The following ZNF423 variants were observed in gnomAD, a reference collection of about 807,000 sequenced individuals.
The protein encoded by ZNF423 is zinc finger protein 423, also known as Ebf-associated zinc finger protein.
A neutral mutation model predicts 95.8 loss-of-function variants in ZNF423; 12 were observed. The observed-to-expected ratio is 0.13, with a 90% CI of 0.08 to 0.20. The LOEUF (loss-of-function observed/expected upper bound fraction) is 0.20, where lower values mean the gene tolerates loss of function less well. ZNF423 is among the 10% of genes least tolerant of loss of function. The probability of loss-of-function intolerance (pLI) is 1.00; values close to 1 mark genes in which losing one functional copy is unlikely to be tolerated. For missense variants in ZNF423, 1,316 were observed against 1,737.1 expected (o/e 0.76, Z 4.31); for synonymous variants, 749 against 711.9 (o/e 1.05, Z -0.83).
At chr16:49,853,615 T>TA (rs2035325661) in intron 1 of ZNF423, 1 of 985,100 alleles carries the variant, frequency 1.0e-6, no homozygotes, top group African/African-American at 1.7e-5. Flanking sequence ...GCCTTTCTCC[T>TA]ACCAACCTGC....
At chr16:49,677,321 G>GAGAAGAGAAGAGAAA (rs2031139077) in intron 3 of ZNF423, among the ~76,000 whole-genome samples, 1 of 48,396 alleles carries the variant, frequency 2.1e-5, no homozygotes, top group African/African-American at 8.9e-5. Context: ...AGGAGGGGAA[G>GAGAAGAGAAGAGAAA]GGAGGGGAGG....
At chr16:49,709,471 T>C (rs2032475461) in intron 3 of ZNF423, among the ~76,000 whole-genome samples, 1 of 152,000 alleles carries the variant, frequency 6.6e-6, no homozygotes, top group Non-Finnish European at 1.5e-5. Context: ...TGCCAGCCAC[T>C]CCAGGTATGG....
chr16:49,691,267 T>C (rs2031769691), intron 3 of ZNF423, among the ~76,000 whole-genome samples: 1 of 152,260 alleles, frequency 6.6e-6, no homozygotes, highest in African/African-American at 2.4e-5. Context: ...GGGAGGATGC[T>C]GGGGTCTGTG....
intron 4 of ZNF423, among the ~76,000 whole-genome samples, chr16:49,634,200 C>T (rs1053459582): frequency 7.2e-6 from 1 of 137,940 alleles, no homozygotes; most frequent in African/African-American, 2.8e-5. Context: ...GCCACCACAC[C>T]TGGCTTTTTT....
chr16:49,521,688 AAGGCC>A (rs1303777537), intron 7 of ZNF423, among the ~76,000 whole-genome samples: 3 of 152,208 alleles, frequency 2.0e-5, no homozygotes, highest in Non-Finnish European at 4.4e-5. Context: ...CAATGGGATA[AAGGCC>A]TCATGTACAA....
At chr16:49,667,403 G>A (rs2030595933) in intron 3 of ZNF423, among the ~76,000 whole-genome samples, 1 of 152,216 alleles carries the variant, frequency 6.6e-6, no homozygotes. Context: ...GAGTGAGGAA[G>A]GGGAGAATTT....
chr16:49,550,221 C>T (rs1316100215), intron 5 of ZNF423, among the ~76,000 whole-genome samples: 1 of 152,228 alleles, frequency 6.6e-6, no homozygotes, highest in Non-Finnish European at 1.5e-5. Flanking sequence ...GATGACCTAG[C>T]TGCACATTAA....
intron 7 of ZNF423, among the ~76,000 whole-genome samples, chr16:49,507,009 G>A (rs12930208): frequency 0.42 from 62,923 of 151,498 alleles, 13,542 homozygotes; most frequent in African/African-American, 0.54. Flanking sequence ...GACGGTAAAC[G>A]TTGATGAGTT....
intron 5 of ZNF423, among the ~76,000 whole-genome samples, chr16:49,580,018 C>T (rs1443435105): frequency 1.3e-5 from 2 of 152,228 alleles, no homozygotes; most frequent in African/African-American, 4.8e-5. Flanking sequence ...TGGCCACCCA[C>T]GGGACCCTGA....
At chr16:49,588,429 C>T (rs1970910050) in intron 5 of ZNF423, among the ~76,000 whole-genome samples, 1 of 152,194 alleles carries the variant, frequency 6.6e-6, no homozygotes, top group African/African-American at 2.4e-5. Flanking sequence ...CCCATGAGGC[C>T]CACAAGTGAA....
At chr16:49,530,387 C>T (rs1282637181) in intron 5 of ZNF423, among the ~76,000 whole-genome samples, 1 of 151,870 alleles carries the variant, frequency 6.6e-6, no homozygotes, top group Non-Finnish European at 1.5e-5. Context: ...CTGGATAGCG[C>T]TTACTACCAC....
At chr16:49,575,422 C>T (rs937431538) in intron 5 of ZNF423, among the ~76,000 whole-genome samples, 2 of 152,102 alleles carry the variant, frequency 1.3e-5, no homozygotes, top group South Asian at 2.1e-4. Context: ...TCCTACTTGC[C>T]GCAGCCCCTT....
chr16:49,718,031 C>T (rs1204057211), intron 3 of ZNF423, among the ~76,000 whole-genome samples: 1 of 152,170 alleles, frequency 6.6e-6, no homozygotes, highest in Non-Finnish European at 1.5e-5. Flanking sequence ...GCCCAGTAAG[C>T]TACACAAGGG....
intron 2 of ZNF423, among the ~76,000 whole-genome samples, chr16:49,756,727 G>C (rs527865315): frequency 6.6e-6 from 1 of 152,260 alleles, no homozygotes; most frequent in African/African-American, 2.4e-5. Context: ...CACCTCCCAG[G>C]GCACACGGGC....
At chr16:49,771,179 CTTTTTTTTTTTTCT>C (rs1206053126) in intron 2 of ZNF423, among the ~76,000 whole-genome samples, 7 of 121,254 alleles carry the variant, frequency 5.8e-5, no homozygotes, top group South Asian at 5.2e-4. Context: ...TCTTGAATTT[CTTTTTTTTTTTTCT>C]TTTTTTTTTT....
intron 2 of ZNF423, among the ~76,000 whole-genome samples, chr16:49,762,810 G>C (rs1445847893): frequency 6.6e-6 from 1 of 152,188 alleles, no homozygotes; most frequent in Non-Finnish European, 1.5e-5. Flanking sequence ...CCCAACGCTT[G>C]GTCTTGGAAT....
At chr16:49,697,382 C>G (rs943821774) in intron 3 of ZNF423, among the ~76,000 whole-genome samples, 1 of 152,078 alleles carries the variant, frequency 6.6e-6, no homozygotes, top group African/African-American at 2.4e-5. Context: ...TATCACATCA[C>G]CTTCTAATAG....
At chr16:49,628,048 C>T (rs1340494686) in intron 4 of ZNF423, among the ~76,000 whole-genome samples, 1 of 151,206 alleles carries the variant, frequency 6.6e-6, no homozygotes, top group Non-Finnish European at 1.5e-5. Context: ...TCCATCTACC[C>T]ATCCATTCAT....
At chr16:49,675,604 C>T (rs1206830204) in intron 3 of ZNF423, among the ~76,000 whole-genome samples, 3 of 152,108 alleles carry the variant, frequency 2.0e-5, no homozygotes, top group African/African-American at 7.2e-5. Context: ...TGCTGCTGCT[C>T]ATTTCCAGGC....
Sources: gnomAD v4.1 joint callset for allele counts (sites outside exome capture counted in the v4.1 genomes callset) on GRCh38, gnomAD v4.1.1 for gene constraint, MANE v1.5 for transcripts, NCBI Gene and HGNC (gene_info 2026-07-23, HGNC 2026-07-21) for gene names.